The following SPOCK1 variants were observed in gnomAD, a reference collection of about 807,000 sequenced individuals.
SPOCK1 encodes testican-1.
Under a neutral mutation model 55.3 loss-of-function variants are expected in SPOCK1, and 23 were observed. The observed-to-expected ratio is 0.42, with a 90% CI of 0.30 to 0.59. SPOCK1 has a LOEUF of 0.59. Ranked by LOEUF, SPOCK1 falls within the 20% of genes least tolerant of loss-of-function variation. The pLI is 0.22. For missense variants in SPOCK1, 499 were observed against 552.5 expected, an observed-to-expected ratio of 0.90 and a Z score of 0.97; for synonymous variants, 226 against 221.0, an observed-to-expected ratio of 1.02 and a Z score of -0.20.
chr5:137,305,399 G>A (rs1192944691), intron 2 of SPOCK1, among the ~76,000 whole-genome samples: 2 of 152,266 alleles, frequency 1.3e-5, no homozygotes, highest in Admixed American at 1.3e-4. Context: ...ATCCTAACTT[G>A]ATTACATCTG....
intron 2 of SPOCK1, among the ~76,000 whole-genome samples, chr5:137,347,423 C>T (rs960845341): frequency 6.6e-6 from 1 of 152,190 alleles, no homozygotes; most frequent in South Asian, 2.1e-4. Context: ...TTTGTCCTTC[C>T]AGTATCAACT....
At chr5:137,072,199 G>A (rs1752633236) in intron 5 of SPOCK1, among the ~76,000 whole-genome samples, 2 of 152,062 alleles carry the variant, frequency 1.3e-5, no homozygotes, top group Non-Finnish European at 2.9e-5. Context: ...CCAGAAAAGA[G>A]GAAATATTAA....
chr5:137,284,832 A>C (rs2127127264), intron 2 of SPOCK1, among the ~76,000 whole-genome samples: 1 of 152,228 alleles, frequency 6.6e-6, no homozygotes, highest in South Asian at 2.1e-4. Context: ...TGTGACTGTG[A>C]GGGAAGCTCT....
At position 137,044,560 on chromosome 5, in the gene SPOCK1, T is replaced by G. The variant is rs182169918; in HGVS notation, c.589+23155A>C. Among the ~76,000 whole-genome samples the G allele has an allele frequency of 8.5e-5, 13 of 152,284 alleles. No homozygotes were observed. In the East Asian group the frequency reaches 2.5e-3, roughly 29 times the overall value. On this transcript the variant is annotated intron_variant, in intron 6 of 10. Coordinates refer to ENST00000394945, the MANE Select transcript of SPOCK1 (RefSeq NM_004598.4). ...TGGAGATCATAGTCCCTCCCAACAC[T>G]GGGCTTTCAGGACTATTACATGGAA...
chr5:137,200,636 T>C (rs557639859), intron 3 of SPOCK1, among the ~76,000 whole-genome samples: 6 of 152,364 alleles, frequency 3.9e-5, no homozygotes, highest in Admixed American at 6.5e-5. Context: ...AATCCCTCTT[T>C]TTTTCAATTT....
intron 6 of SPOCK1, among the ~76,000 whole-genome samples, chr5:137,013,952 TCTGA>T (rs1384551101): frequency 2.0e-5 from 3 of 152,162 alleles, no homozygotes; most frequent in Admixed American, 1.3e-4. Context: ...TAAAGATGGC[TCTGA>T]CTATCTCCTT....
At chr5:137,233,713 CTTTTTTTTTT>C (rs56328555) in intron 3 of SPOCK1, among the ~76,000 whole-genome samples, 29 of 58,408 alleles carry the variant, frequency 5.0e-4, no homozygotes, top group Admixed American at 1.2e-3. Flanking sequence ...AGGATATGCA[CTTTTTTTTTT>C]TTTTTTTTTT....
At position 136,990,664 on chromosome 5, in the gene SPOCK1, A is replaced by T. The variant is rs183276310; in HGVS notation, c.706+1820T>A. ...GATGCTGTCCCTCAGGGGCTGCTGA[A>T]TGAGAGATAATTTACTTTGGCACTA... is the stretch of plus-strand genomic sequence containing the variant. On this transcript the variant is annotated intron_variant, in intron 7 of 10. Transcript: ENST00000394945. 3.3e-5 allele frequency among the ~76,000 whole-genome samples: 5 copies of T among 151,712 alleles called. No homozygotes were observed. The East Asian group carries it at 9.8e-4, about 30-fold the overall frequency.
At chr5:137,294,033 G>T (rs1267098142) in intron 2 of SPOCK1, among the ~76,000 whole-genome samples, 1 of 152,124 alleles carries the variant, frequency 6.6e-6, no homozygotes, top group Non-Finnish European at 1.5e-5. Flanking sequence ...TGCTGGAAAT[G>T]GTCCCTATTC....
chr5:137,394,252 C>CGGT (rs1445191953), intron 2 of SPOCK1, among the ~76,000 whole-genome samples: 1 of 152,132 alleles, frequency 6.6e-6, no homozygotes, highest in Non-Finnish European at 1.5e-5. Flanking sequence ...TTATCTCCAC[C>CGGT]GGTAGACTGT....
chr5:137,141,985 C>T (rs1754107290), intron 3 of SPOCK1, among the ~76,000 whole-genome samples: 1 of 152,184 alleles, frequency 6.6e-6, no homozygotes, highest in Admixed American at 6.5e-5. Flanking sequence ...ACATGCTCAT[C>T]ATTGGCACAG....
intron 7 of SPOCK1, among the ~76,000 whole-genome samples, chr5:136,991,207 G>A (rs1399634300): frequency 1.3e-5 from 2 of 152,062 alleles, no homozygotes. Flanking sequence ...TTGATAGGTT[G>A]TTCAGAAAAC....
chr5:137,216,988 G>A (rs1455898431), intron 3 of SPOCK1, among the ~76,000 whole-genome samples: 1 of 152,162 alleles, frequency 6.6e-6, no homozygotes, highest in East Asian at 1.9e-4. Context: ...CCCAGAGGCA[G>A]GAGGTGGGTT....
intron 4 of SPOCK1, among the ~76,000 whole-genome samples, chr5:137,116,515 G>A (rs996411718): frequency 1.1e-4 from 16 of 151,818 alleles, no homozygotes; most frequent in Admixed American, 2.0e-4. Flanking sequence ...CTGTGGTGGC[G>A]GGCACCTGTA....
chr5:137,411,980 G>A (rs988163236), intron 2 of SPOCK1, among the ~76,000 whole-genome samples: 7 of 152,154 alleles, frequency 4.6e-5, no homozygotes, highest in Non-Finnish European at 1.0e-4. Flanking sequence ...CAGCCAAGGC[G>A]AAAGAAGAAT....
At chr5:137,443,109 G>A (rs4342326) in intron 2 of SPOCK1, among the ~76,000 whole-genome samples, 151,160 of 151,888 alleles carry the variant, frequency 1, 75,221 homozygotes, top group Middle Eastern at 1. Flanking sequence ...TGGGGAAAAA[G>A]AAAACACAGA....
intron 3 of SPOCK1, among the ~76,000 whole-genome samples, chr5:137,231,441 C>G (rs1756062620): frequency 6.6e-6 from 1 of 152,204 alleles, no homozygotes; most frequent in Admixed American, 6.5e-5. Context: ...AATCTTTTCT[C>G]CATTTCTAAA....
intron 4 of SPOCK1, among the ~76,000 whole-genome samples, chr5:137,113,487 T>G (rs936291114): frequency 6.6e-6 from 1 of 152,212 alleles, no homozygotes; most frequent in Non-Finnish European, 1.5e-5. Context: ...TGATTAGTGC[T>G]TGGGCTCTGG....
At chr5:137,107,188 C>G (rs1332202807) in intron 5 of SPOCK1, among the ~76,000 whole-genome samples, 1 of 152,194 alleles carries the variant, frequency 6.6e-6, no homozygotes, top group African/African-American at 2.4e-5. Context: ...CTTGTAAGTT[C>G]CATGAAAACT....
Sources: allele counts gnomAD v4.1 joint callset (sites outside exome capture counted in the v4.1 genomes callset), GRCh38; gene constraint gnomAD v4.1.1; transcripts MANE v1.5; gene names NCBI Gene and HGNC (gene_info 2026-07-23, HGNC 2026-07-21).